CCDC88C: variants seen among roughly 807,000 people sequenced by gnomAD.
The protein encoded by CCDC88C is coiled-coil and HOOK domain protein 88C, also known as protein Daple.
In CCDC88C, 131 loss-of-function variants were observed where a neutral mutation model predicts 198.8. The ratio of observed to expected loss-of-function variants is 0.66; its 90% CI spans 0.57 to 0.76. The LOEUF is 0.76. CCDC88C is among the 30% of genes least tolerant of loss of function. The probability of loss-of-function intolerance (pLI) is 0.00; values close to 1 mark genes in which losing one functional copy is unlikely to be tolerated. For missense variants in CCDC88C, 2,553 were observed against 2,631.6 expected (o/e 0.97, Z 0.65); for synonymous variants, 1,166 against 1,114.7 (o/e 1.05, Z -0.92).
chr14:91,371,528 C>T lies in CCDC88C; in HGVS notation c.271-11817G>A, dbSNP rs1486394371. ...AGGAGTACAGCACAGACCAAGACCACAGTCTTGGTCCCGAGGAGCCTGTGG... is the reference window on the plus strand; with the variant it reads ...AGGAGTACAGCACAGACCAAGACCATAGTCTTGGTCCCGAGGAGCCTGTGG... On this transcript the variant is annotated intron_variant, in intron 3 of 29. Transcript: ENST00000389857. The surrounding 1 kb of genome is among the most constrained non-coding windows in gnomAD (Gnocchi z 4.2). Among the ~76,000 whole-genome samples, 1 of 152,108 alleles carries T rather than the reference C, an allele frequency of 6.6e-6. No homozygotes were observed. The highest frequency in any genetic ancestry group is 1.5e-5 in the Non-Finnish European group (1 of 68,018).
Position 91,284,134 on chromosome 14 carries a change from T to A in CCDC88C, c.4442-617A>T, listed in dbSNP as rs77864697. On this transcript the variant is annotated intron_variant, in intron 25 of 29. Coordinates refer to ENST00000389857, the MANE Select transcript of CCDC88C (RefSeq NM_001080414.4). The surrounding 1 kb of genome is among the most constrained non-coding windows in gnomAD (Gnocchi z 4.1). The stretch of plus-strand genomic sequence containing the variant: ...CTGGTCAAAATTAAATAAAAACATA[T>A]AAAATCATAAAAGAAAAACAGCCCA... 6.6e-6 allele frequency among the ~76,000 whole-genome samples: 1 copy of A among 152,042 alleles called. No homozygotes were observed. The highest frequency in any genetic ancestry group is 6.5e-5 in the Admixed American group (1 of 15,270).
intron 14 of CCDC88C, among the ~76,000 whole-genome samples, chr14:91,314,983 G>T (rs1407081357): frequency 2.0e-5 from 3 of 152,192 alleles, no homozygotes; most frequent in Admixed American, 6.5e-5. Flanking sequence ...TTAAACAAAA[G>T]AAAACATAAA....
At chr14:91,382,924 G>A (rs1331520109) in intron 3 of CCDC88C, among the ~76,000 whole-genome samples, 1 of 152,174 alleles carries the variant, frequency 6.6e-6, no homozygotes. Context: ...CCTGGGCTGT[G>A]ACCCTCATCC....
rs768999731 is a variant in CCDC88C at position 91,305,912 on chromosome 14, CTGCAGAGCT to C, written c.3201_3209del (p.Leu1069_Ala1071del). On this transcript the variant is annotated inframe_deletion, in exon 19 of 30. Coordinates refer to ENST00000389857, the MANE Select transcript of CCDC88C (RefSeq NM_001080414.4). ...GTTCCTTTAGCAGCTGCTTCTCAGC[CTGCAGAGCT>C]GCATTCTAGAAGATCGGGAGGCATG... 4 of 1,613,416 alleles carry C rather than the reference CTGCAGAGCT, an allele frequency of 2.5e-6. No individual in the cohort carries two copies. The South Asian group carries it at 4.4e-5, about 18-fold the overall frequency.
rs2139927926 is a variant in CCDC88C at position 91,371,188 on chromosome 14, C to T, written c.271-11477G>A. 6.6e-6 allele frequency among the ~76,000 whole-genome samples: 1 copy of T among 152,158 alleles called. No individual in the cohort carries two copies. The highest frequency in any genetic ancestry group is 1.5e-5 in the Non-Finnish European group (1 of 68,002). On this transcript the variant is annotated intron_variant, in intron 3 of 29. Transcript: ENST00000389857. The surrounding 1 kb of genome is among the most constrained non-coding windows in gnomAD (Gnocchi z 4.2). ...CAGTGCTTGGAGTTGATATAAGGGC[C>T]CTGATTTTATGGCCGTGAGGGATCG...
At position 91,308,324 on chromosome 14, in the gene CCDC88C, G is replaced by T. The variant is rs190209728; in HGVS notation, c.3006+27C>A. 3 of 1,612,262 alleles carry T rather than the reference G, an allele frequency of 1.9e-6. No homozygotes were observed. The East Asian group carries it at 6.7e-5, about 36-fold the overall frequency. ...GGTGAGGCTGAGAATGGGCAGCTGG[G>T]CCCCACAGTGCAACCTCCACACTCA... is the stretch of plus-strand genomic sequence containing the variant. On this transcript the variant is annotated intron_variant, in intron 17 of 29. Coordinates refer to ENST00000389857, the MANE Select transcript of CCDC88C (RefSeq NM_001080414.4).
At chr14:91,378,715 T>C (rs1215706639) in intron 3 of CCDC88C, 1 of 152,260 alleles carries the variant, frequency 6.6e-6, no homozygotes, top group Non-Finnish European at 1.5e-5. Flanking sequence ...TTTAACTTTA[T>C]TTTTAAAAGG....
At chr14:91,370,819 A>T (rs1894760917) in intron 3 of CCDC88C, among the ~76,000 whole-genome samples, 1 of 152,196 alleles carries the variant, frequency 6.6e-6, no homozygotes, top group Non-Finnish European at 1.5e-5. Flanking sequence ...AAACCAAAAG[A>T]GCCATCAAGA....
At chr14:91,291,833 A>G (rs1223712432) in intron 23 of CCDC88C, among the ~76,000 whole-genome samples, 1 of 152,194 alleles carries the variant, frequency 6.6e-6, no homozygotes, top group East Asian at 1.9e-4. Flanking sequence ...TATCTCTTGA[A>G]TCTTGGGCGG....
At chr14:91,365,392 C>A (rs938537796) in intron 3 of CCDC88C, among the ~76,000 whole-genome samples, 2 of 152,224 alleles carry the variant, frequency 1.3e-5, no homozygotes, top group African/African-American at 4.8e-5. Flanking sequence ...TGGCCCCTCA[C>A]GCCCCACATG....
chr14:91,354,934 A>G (rs1046348221), intron 4 of CCDC88C, among the ~76,000 whole-genome samples: 2 of 152,314 alleles, frequency 1.3e-5, no homozygotes, highest in African/African-American at 2.4e-5. Context: ...CAGAACAAAG[A>G]AGACAGGGCG....
At chr14:91,378,290 G>A (rs554693137) in intron 3 of CCDC88C, among the ~76,000 whole-genome samples, 2 of 152,332 alleles carry the variant, frequency 1.3e-5, no homozygotes, top group Admixed American at 6.5e-5. Flanking sequence ...AGAAGCAGGG[G>A]AAAGAGTAAC....
chr14:91,346,892 CTG>C (rs2139876814), intron 4 of CCDC88C, among the ~76,000 whole-genome samples: 3 of 152,220 alleles, frequency 2.0e-5, no homozygotes, highest in Non-Finnish European at 4.4e-5. Context: ...AAGGAAGACT[CTG>C]TCTCAAAAAA....
At chr14:91,367,586 G>A (rs1894600580) in intron 3 of CCDC88C, among the ~76,000 whole-genome samples, 2 of 152,128 alleles carry the variant, frequency 1.3e-5, no homozygotes, top group South Asian at 4.1e-4. Context: ...AGAACTCTCG[G>A]CCTGTCTGGG....
Position 91,381,688 on chromosome 14 carries a change from T to C in CCDC88C, c.271-21977A>G, listed in dbSNP as rs1297777424. On this transcript the variant is annotated intron_variant, in intron 3 of 29. Transcript: ENST00000389857. This position sits in a 1 kb window ranked among gnomAD's most constrained non-coding sequence, Gnocchi z 4.2. ...TCTCTACTAAAAATACAAACAATTA[T>C]CTGGGCATGGTGGCGCGTGCATGTA... is the stretch of plus-strand genomic sequence containing the variant. 2.0e-5 allele frequency among the ~76,000 whole-genome samples: 3 copies of C among 152,046 alleles called. No homozygotes were observed. In the East Asian group the frequency reaches 5.8e-4, roughly 29 times the overall value.
chr14:91,385,045 C>T (rs1488801230), intron 3 of CCDC88C, among the ~76,000 whole-genome samples: 1 of 152,182 alleles, frequency 6.6e-6, no homozygotes, highest in African/African-American at 2.4e-5. Flanking sequence ...TCTAATGAGC[C>T]ACATGGTGAG....
chr14:91,408,866 T>C, intron 2 of CCDC88C, 99 bp from the exon 3 acceptor site: 1 of 752,644 alleles, frequency 1.3e-6, no homozygotes, highest in South Asian at 1.6e-5. Flanking sequence ...AGTCCCTAGG[T>C]GACCATGAGG....
In CCDC88C at chr14:91,274,545, G is replaced by A. The variant is rs113923229; in HGVS notation, c.5059-892C>T. 2.3e-3 allele frequency among the ~76,000 whole-genome samples: 356 copies of A among 152,340 alleles called. 2 individuals are homozygous for A. Among genetic ancestry groups the A allele is most frequent in the African/African-American group, 8.3e-3 (346 of 41,584 alleles). The stretch of plus-strand genomic sequence containing the variant: ...CCGGCAGGTGTCAGCCTGAAGGCGG[G>A]TTGGTAGCTCAGGAGCCATCTGCAC... On this transcript the variant is annotated intron_variant, in intron 29 of 29. Coordinates refer to ENST00000389857, the MANE Select transcript of CCDC88C (RefSeq NM_001080414.4).
chr14:91,278,285 G>A lies in CCDC88C; in HGVS notation c.4769-74C>T, dbSNP rs188228035. 22 of 1,402,506 alleles carry A rather than the reference G, an allele frequency of 1.6e-5. 1 individual carries two copies. In the East Asian group the frequency reaches 5.1e-4, roughly 32 times the overall value. The allele number at this position is 1,402,506 out of a possible 1,614,324, so 86.9% of individuals were successfully genotyped here. On this transcript the variant is annotated intron_variant, in intron 28 of 29. Transcript: ENST00000389857. ...CTCTGGTGGCTTCTAGAGGCTTCGT[G>A]CTGCCTTTGCCCACTTCAAACTATC...
Sources: gnomAD v4.1 joint callset for allele counts (sites outside exome capture counted in the v4.1 genomes callset) on GRCh38, gnomAD v4.1.1 for gene constraint, Gnocchi (gnomAD v3.1) non-coding constraint, MANE v1.5 for transcripts, NCBI Gene and HGNC (gene_info 2026-07-23, HGNC 2026-07-21) for gene names.